The following TLCD3A variants were observed in gnomAD, a reference collection of about 807,000 sequenced individuals.
TLCD3A encodes TLC domain-containing protein 3A.
A neutral mutation model predicts 29.9 loss-of-function variants in TLCD3A; 17 were observed. That is an observed-to-expected ratio of 0.57 (90% confidence interval 0.39 to 0.85). The LOEUF is 0.85. Among genes scored for constraint, TLCD3A ranks in the 40% least tolerant of loss-of-function variants. The probability of loss-of-function intolerance (pLI) is 0.00; values close to 1 mark genes in which losing one functional copy is unlikely to be tolerated. For synonymous variants in TLCD3A, 143 were observed against 147.7 expected, an observed-to-expected ratio of 0.97 and a Z score of 0.23; for missense variants, 332 against 350.8, an observed-to-expected ratio of 0.95 and a Z score of 0.43.
At chr17:739,101 A>C (rs1974208420) in intron 3 of TLCD3A, among the ~76,000 whole-genome samples, 1 of 152,068 alleles carries the variant, frequency 6.6e-6, no homozygotes, top group African/African-American at 2.4e-5. Context: ...AAGCCCACCC[A>C]ACAAAGAAAA....
At chr17:732,953 C>A (rs1208146307) in intron 1 of TLCD3A, 145 bp from the exon 2 acceptor site, 6 of 1,373,120 alleles carry the variant, frequency 4.4e-6, no homozygotes, top group Non-Finnish European at 5.8e-6. Flanking sequence ...GGGGCCGGGG[C>A]GGGCGGGAAT....
At chr17:738,099 T>G (rs755097107) in intron 3 of TLCD3A, 52 bp downstream of exon 3, 6 of 1,234,210 alleles carry the variant, frequency 4.9e-6, no homozygotes, top group African/African-American at 1.7e-5. Context: ...TGGGTGTCTT[T>G]TTTTTTTTTT....
chr17:733,682 C>G (rs1013166244), intron 2 of TLCD3A, among the ~76,000 whole-genome samples: 2 of 152,226 alleles, frequency 1.3e-5, no homozygotes, highest in Non-Finnish European at 2.9e-5. Context: ...TATCAGAGGT[C>G]AGTCCAGAGG....
chr17:736,641 C>T (rs1253760333), intron 2 of TLCD3A, among the ~76,000 whole-genome samples: 1 of 152,126 alleles, frequency 6.6e-6, no homozygotes, highest in Non-Finnish European at 1.5e-5. Context: ...ATTTCCAGAC[C>T]TGCTTTTTTT....
intron 3 of TLCD3A, among the ~76,000 whole-genome samples, chr17:738,252 C>T (rs551491207): frequency 3.3e-5 from 5 of 152,096 alleles, no homozygotes; most frequent in African/African-American, 1.2e-4. Flanking sequence ...CCCACCACCA[C>T]GCCCGGCTAA....
rs1213883475 is a variant in TLCD3A, at chr17:740,265, T to A, written c.409-240T>A. Among the ~76,000 whole-genome samples the A allele has an allele frequency of 3.9e-5, 6 of 152,178 alleles. 1 individual carries two copies. The highest frequency in any genetic ancestry group is 8.8e-5 in the Non-Finnish European group (6 of 68,030). ...AGGCTTGCAGCCTTCCTTCCGGCTG[T>A]CATCAAAATTCAGAGCTTGGTGTGG... On this transcript the variant is annotated intron_variant, in intron 3 of 4. Transcript: ENST00000308278.
In TLCD3A at chr17:740,368, G is replaced by A. The variant is rs144910483; in HGVS notation, c.409-137G>A. On this transcript the variant is annotated intron_variant, in intron 3 of 4. Transcript: ENST00000308278. ...AAAGTGCTGTTGCCACGGAAGCAGC[G>A]GTACAGTAGTCTGCGCTTGCCTATT... 847 of 688,864 alleles carry A rather than the reference G, an allele frequency of 1.2e-3. 7 individuals carry two copies. The African/African-American group carries it at 0.013, about 11-fold the overall frequency. The allele number at this position is 688,864 out of a possible 1,614,324, so 42.7% of individuals were successfully genotyped here.
At chr17:740,724 TTC>T in intron 4 of TLCD3A, 124 bp downstream of exon 4, 1 of 1,014,654 alleles carries the variant, frequency 9.9e-7, no homozygotes, top group Non-Finnish European at 1.5e-6. Context: ...AGAGTGAAGG[TTC>T]TGATTCAGGC....
At chr17:741,273 T>C in intron 4 of TLCD3A, 28 bp from the exon 5 acceptor site, 1 of 1,612,258 alleles carries the variant, frequency 6.2e-7, no homozygotes, top group Non-Finnish European at 8.5e-7. Context: ...TTGGTGACCT[T>C]ACCTTTTTCC....
intron 4 of TLCD3A, 54 bp downstream of exon 4, chr17:740,654 G>T: frequency 1.2e-5 from 18 of 1,522,724 alleles, no homozygotes; most frequent in Non-Finnish European, 1.5e-5. Flanking sequence ...AGGCATGTAT[G>T]AATGAAATGA....
At chr17:733,202 C>T (rs763156553) in intron 2 of TLCD3A, 21 bp downstream of exon 2, 15 of 1,519,364 alleles carry the variant, frequency 9.9e-6, no homozygotes, top group Non-Finnish European at 8.8e-7. Flanking sequence ...GGGCCGGGGC[C>T]TTGTTGCAAA....
In TLCD3A at chr17:733,179, C is replaced by G; in HGVS notation, c.204C>G (p.Gly68=). ...GCTCCTGCGACGACGTGATCACCGGCAGGTAAGAGCCCGGGCCGGGGCCTT... is the reference window on the plus strand; with the variant it reads ...GCTCCTGCGACGACGTGATCACCGGGAGGTAAGAGCCCGGGCCGGGGCCTT... ...IIRSCDDVIT[G]RHWLAREYVW... Residue 68 remains glycine (G), a splice_region_variant and synonymous_variant, in exon 2 of 5, where the codon GGC becomes GGG. Transcript: ENST00000308278. The G allele has an allele frequency of 6.4e-7, 1 of 1,555,152 alleles. No individual in the cohort carries two copies. Among genetic ancestry groups the G allele is most frequent in the Non-Finnish European group, 8.7e-7 (1 of 1,152,138 alleles).
In TLCD3A at chr17:732,683, C is replaced by T. The variant is rs1974085919; in HGVS notation, c.36C>T (p.Phe12=). The T allele has an allele frequency of 3.5e-6, 5 of 1,422,426 alleles. No homozygotes were observed. Among genetic ancestry groups the T allele is most frequent in the Non-Finnish European group, 4.6e-6 (5 of 1,086,986 alleles). The allele number at this position is 1,422,426 out of a possible 1,614,324, so 88.1% of individuals were successfully genotyped here. A position where few individuals can be genotyped will look rare whatever the true frequency, so the allele number is the denominator to read the frequency against. Residue 12 remains phenylalanine, a synonymous_variant, in exon 1 of 5, where the codon TTC becomes TTT. Transcript: ENST00000308278. The part of the protein sequence containing the change: ...LLTLAGGALF[F]PGLFALCTWA... The stretch of plus-strand genomic sequence containing the variant: ...CGCTGGCCGGGGGCGCGCTCTTCTT[C>T]CCGGGGCTCTTCGCGCTCTGCACCT...
rs372164923 is a variant in TLCD3A, at chr17:733,030, C to G, written c.123-68C>G. Reference sequence around the variant, plus strand: ...GGCTGGGGAGAGTCAGGCCGAAGGGCCGGGCCGGGCTCCCTGCGGTCCTCG... The same window carrying G: ...GGCTGGGGAGAGTCAGGCCGAAGGGGCGGGCCGGGCTCCCTGCGGTCCTCG... On this transcript the variant is annotated intron_variant, in intron 1 of 4. Coordinates refer to ENST00000308278, the MANE Select transcript of TLCD3A (RefSeq NM_024792.3). 1.6e-3 allele frequency: 2,473 copies of G among 1,518,714 alleles called. 34 individuals are homozygous for G. In the African/African-American group the frequency reaches 0.03, roughly 18 times the overall value. 94.1% of individuals were successfully genotyped at this position (1,518,714 alleles called of 1,614,324 possible).
chr17:741,936 C>T lies in TLCD3A; in HGVS notation c.*366C>T. ...TGCCTGTCCCTGTATCAGCGGCTAC[C>T]CACCTTCCAAACCACTCAGGACAGT... On this transcript the variant is annotated 3_prime_UTR_variant, in exon 5 of 5. Coordinates refer to ENST00000308278, the MANE Select transcript of TLCD3A (RefSeq NM_024792.3). The T allele has an allele frequency of 9.1e-6, 3 of 328,080 alleles. No homozygotes were observed. Among genetic ancestry groups the T allele is most frequent in the South Asian group, 3.0e-5 (1 of 33,710 alleles). The allele number at this position is 328,080 out of a possible 1,614,324, so 20.3% of individuals were successfully genotyped here.
Position 732,769 on chromosome 17 carries a change from G to C in TLCD3A, c.122G>C (p.Arg41Thr). 1.4e-6 allele frequency: 2 copies of C among 1,450,418 alleles called. No homozygotes were observed. The highest frequency in any genetic ancestry group is 2.6e-5 in the South Asian group (2 of 75,612). 89.8% of individuals were successfully genotyped at this position (1,450,418 alleles called of 1,614,324 possible). The part of the protein sequence containing the change: ...SRTDCVMIST[R>T]LVSSVHAVLA... ...ACCGACTGCGTGATGATCAGCACCA[G>C]GTACCGGCGCCGCCGAGACGCCCCC... The change falls in exon 1 of 5, where the codon AGG becomes ACG. Residue 41 changes from arginine to threonine, a missense_variant and splice_region_variant. Transcript: ENST00000308278.
intron 2 of TLCD3A, among the ~76,000 whole-genome samples, chr17:734,908 C>T (rs1974131896): frequency 6.6e-6 from 1 of 152,162 alleles, no homozygotes; most frequent in Non-Finnish European, 1.5e-5. Flanking sequence ...GTCTGAACTC[C>T]TGGGCTCAAG....
rs565497174 is a variant in TLCD3A at position 737,788 on chromosome 17, A to G, written c.207-58A>G. The G allele has an allele frequency of 2.7e-6, 4 of 1,486,864 alleles. No homozygotes were observed. In the African/African-American group the frequency reaches 5.5e-5, roughly 21 times the overall value. The allele number at this position is 1,486,864 out of a possible 1,614,324, so 92.1% of individuals were successfully genotyped here. On this transcript the variant is annotated intron_variant, in intron 2 of 4. Transcript: ENST00000308278. ...TGATCAAGCACCAAGCTTGGCTGTG[A>G]GCCTTCATAATGGATATCCACAATG...
chr17:737,850 T>C lies in TLCD3A; in HGVS notation c.211T>C (p.Trp71Arg), dbSNP rs906565734. ...SCDDVITGRH[W>R]LAREYVWFLI... ...CATTCATATGCTTTCTTTCAGGCAC[T>C]GGCTTGCCCGGGAATATGTGTGGTT... The change falls in exon 3 of 5, where the codon TGG becomes CGG. Residue 71 changes from tryptophan to arginine, a missense_variant. Transcript: ENST00000308278. The C allele has an allele frequency of 1.9e-6, 3 of 1,614,082 alleles. No individual in the cohort carries two copies. The highest frequency in any genetic ancestry group is 2.7e-5 in the African/African-American group (2 of 74,940).
Sources: allele counts gnomAD v4.1 joint callset (sites outside exome capture counted in the v4.1 genomes callset), GRCh38; gene constraint gnomAD v4.1.1; transcripts MANE v1.5; gene names NCBI Gene and HGNC (gene_info 2026-07-23, HGNC 2026-07-21).